CACNA2D3: variants seen among roughly 807,000 people sequenced by gnomAD.
CACNA2D3 encodes calcium voltage-gated channel auxiliary subunit alpha2delta 3, also known as voltage-dependent calcium channel subunit alpha-2/delta-3.
A neutral mutation model predicts 160.6 loss-of-function variants in CACNA2D3; 60 were observed. The ratio of observed to expected loss-of-function variants is 0.37; its 90% CI spans 0.30 to 0.46. CACNA2D3 has a LOEUF of 0.46. Among genes scored for constraint, CACNA2D3 ranks in the 20% least tolerant of loss-of-function variants. The pLI is 1.00. For missense variants in CACNA2D3, 1,205 were observed against 1,365.0 expected, an observed-to-expected ratio of 0.88 and a Z score of 1.85; for synonymous variants, 558 against 492.9, an observed-to-expected ratio of 1.13 and a Z score of -1.75.
intron 11 of CACNA2D3, among the ~76,000 whole-genome samples, chr3:54,682,242 T>C (rs577086585): frequency 2.0e-5 from 3 of 151,824 alleles, no homozygotes; most frequent in Admixed American, 6.6e-5. Context: ...TAAATATAAA[T>C]ATGAGAAGGA....
intron 3 of CACNA2D3, among the ~76,000 whole-genome samples, chr3:54,342,164 G>A: frequency 6.6e-6 from 1 of 152,102 alleles, no homozygotes; most frequent in East Asian, 1.9e-4. Flanking sequence ...TATAGCAGTA[G>A]TATAATATTA....
chr3:54,816,810 T>C lies in CACNA2D3; in HGVS notation c.1381-43T>C, dbSNP rs180769523. ...TTACCATTAATTACTTATATAATGA[T>C]CAACTTTTTTCTTTTTTGTTTTGTT... is the stretch of plus-strand genomic sequence containing the variant. On this transcript the variant is annotated intron_variant, in intron 13 of 37. Transcript: ENST00000474759. 4.1e-5 allele frequency: 66 copies of C among 1,607,786 alleles called. No homozygotes were observed. The East Asian group carries it at 1.4e-3, about 35-fold the overall frequency.
chr3:54,293,205 C>A (rs927448515), intron 2 of CACNA2D3, among the ~76,000 whole-genome samples: 8 of 151,886 alleles, frequency 5.3e-5, no homozygotes, highest in Non-Finnish European at 1.0e-4. Flanking sequence ...TTTTTATTTT[C>A]TTTTTTATTT....
chr3:54,907,874 G>T (rs1399538609), intron 27 of CACNA2D3, among the ~76,000 whole-genome samples: 1 of 151,998 alleles, frequency 6.6e-6, no homozygotes, highest in Non-Finnish European at 1.5e-5. Flanking sequence ...ATGTTTTTAT[G>T]ATCCATCTAC....
intron 4 of CACNA2D3, among the ~76,000 whole-genome samples, chr3:54,481,667 C>T (rs560770272): frequency 6.6e-6 from 1 of 152,290 alleles, no homozygotes; most frequent in Non-Finnish European, 1.5e-5. Context: ...TTTATTCCAC[C>T]CCTGACTACA....
chr3:54,431,051 A>G (rs896763303), intron 4 of CACNA2D3, among the ~76,000 whole-genome samples: 14 of 152,168 alleles, frequency 9.2e-5, no homozygotes, highest in Non-Finnish European at 1.6e-4. Flanking sequence ...AAGAAAAATC[A>G]TAAGGGGCCT....
In CACNA2D3 at chr3:54,738,333, C is replaced by T. The variant is rs139291774; in HGVS notation, c.1168-14266C>T. 2.8e-3 allele frequency among the ~76,000 whole-genome samples: 420 copies of T among 152,200 alleles called. 1 individual carries two copies. The highest frequency in any genetic ancestry group is 7.4e-3 in the East Asian group (38 of 5,152). On this transcript the variant is annotated intron_variant, in intron 11 of 37. Transcript: ENST00000474759. Reference sequence around the variant, plus strand: ...CTCTTCTAGGAAAAGCTCTAGTCTCCCAAAAAGCCATGTTTAAAATGGAAG... The same window carrying T: ...CTCTTCTAGGAAAAGCTCTAGTCTCTCAAAAAGCCATGTTTAAAATGGAAG...
intron 4 of CACNA2D3, among the ~76,000 whole-genome samples, chr3:54,438,052 T>G (rs184687523): frequency 1.3e-5 from 2 of 152,114 alleles, no homozygotes. Context: ...ACAACTAGAG[T>G]TATAAAAAAA....
At chr3:54,431,411 A>C (rs1254808556) in intron 4 of CACNA2D3, among the ~76,000 whole-genome samples, 1 of 152,124 alleles carries the variant, frequency 6.6e-6, no homozygotes, top group Non-Finnish European at 1.5e-5. Context: ...AAAGTGGATC[A>C]ATCATAAAGG....
intron 4 of CACNA2D3, among the ~76,000 whole-genome samples, chr3:54,473,115 C>G (rs552020082): frequency 7.2e-5 from 11 of 152,284 alleles, no homozygotes; most frequent in African/African-American, 2.6e-4. Flanking sequence ...AGGCATCATG[C>G]TACCTTACTT....
rs111769146 is a variant in CACNA2D3 at position 54,332,577 on chromosome 3, A to C, written c.321+12019A>C. On this transcript the variant is annotated intron_variant, in intron 3 of 37. Coordinates refer to ENST00000474759, the MANE Select transcript of CACNA2D3 (RefSeq NM_018398.3). ...ATTTATCTGGTAACCACAGCTGAGAATTGGACTGGGGAGTGATGCTTTGAA... is the reference window on the plus strand; with the variant it reads ...ATTTATCTGGTAACCACAGCTGAGACTTGGACTGGGGAGTGATGCTTTGAA... Among the ~76,000 whole-genome samples the C allele has an allele frequency of 6.4e-3, 981 of 152,330 alleles. 19 individuals carry two copies. Among genetic ancestry groups the C allele is most frequent in the African/African-American group, 0.022 (928 of 41,578 alleles).
chr3:54,128,332 C>T (rs929843341), intron 2 of CACNA2D3, among the ~76,000 whole-genome samples: 12 of 152,112 alleles, frequency 7.9e-5, no homozygotes, highest in Admixed American at 7.2e-4. Flanking sequence ...AAATGCGAAA[C>T]CATCACACCC....
At chr3:54,880,426 G>A (rs1378170533) in intron 20 of CACNA2D3, among the ~76,000 whole-genome samples, 1 of 152,184 alleles carries the variant, frequency 6.6e-6, no homozygotes. Flanking sequence ...AAGTCTAGGG[G>A]CTGGAGAGAC....
At chr3:55,054,013 C>A (rs1032999970) in intron 35 of CACNA2D3, among the ~76,000 whole-genome samples, 7 of 151,518 alleles carry the variant, frequency 4.6e-5, no homozygotes, top group Non-Finnish European at 1.0e-4. Flanking sequence ...TTTATGATTC[C>A]ATTTTTTTCC....
At chr3:54,998,713 T>TTTTTGTTTTGTTTTG (rs150766606) in intron 31 of CACNA2D3, among the ~76,000 whole-genome samples, 26 of 147,268 alleles carry the variant, frequency 1.8e-4, no homozygotes, top group African/African-American at 3.0e-4. Flanking sequence ...CTAAAGTTGG[T>TTTTTGTTTTGTTTTG]TTTTGTTTTG....
In CACNA2D3 at chr3:54,821,733, CTCTT is replaced by C. The variant is rs1451872314; in HGVS notation, c.1398+4867_1398+4870del. On this transcript the variant is annotated intron_variant, in intron 14 of 37. Transcript: ENST00000474759. ...CCTTCTTTCCTCTCTCTCTCTCTCTCTCTTTCTCTCTCTCTCTTTCTCATTCCTT... is the reference window on the plus strand; with the variant it reads ...CCTTCTTTCCTCTCTCTCTCTCTCTCTCTCTCTCTCTCTTTCTCATTCCTT... Among the ~76,000 whole-genome samples the C allele has an allele frequency of 4.9e-4, 72 of 145,558 alleles. 1 individual carries two copies. In the South Asian group the frequency reaches 8.3e-3, roughly 17 times the overall value.
intron 9 of CACNA2D3, among the ~76,000 whole-genome samples, chr3:54,582,434 A>G (rs1702693548): frequency 6.6e-6 from 1 of 152,228 alleles, no homozygotes; most frequent in African/African-American, 2.4e-5. Context: ...TTTCCCCTCC[A>G]GTTTTGGAGT....
intron 11 of CACNA2D3, among the ~76,000 whole-genome samples, chr3:54,733,463 C>A (rs947510743): frequency 6.6e-6 from 1 of 152,128 alleles, no homozygotes; most frequent in African/African-American, 2.4e-5. Context: ...CAAAGGGGCC[C>A]TAGGATTTTA....
intron 9 of CACNA2D3, among the ~76,000 whole-genome samples, chr3:54,610,803 A>G (rs2106788414): frequency 2.0e-5 from 3 of 152,082 alleles, no homozygotes; most frequent in South Asian, 4.2e-4. Flanking sequence ...CTAATTTTGT[A>G]TTGTTGGTAG....
Sources: gnomAD v4.1 joint callset for allele counts (sites outside exome capture counted in the v4.1 genomes callset) on GRCh38, gnomAD v4.1.1 for gene constraint, MANE v1.5 for transcripts, NCBI Gene and HGNC (gene_info 2026-07-23, HGNC 2026-07-21) for gene names.